Variants in ZNF705B observed in about 807,000 individuals in gnomAD.
ZNF705B encodes zinc finger protein 705B, also known as Putative zinc finger protein 705D-like protein LOC100132396.
A neutral mutation model predicts 10.5 loss-of-function variants in ZNF705B; 1 was observed. The observed-to-expected ratio is 0.10, with a 90% CI of 0.03 to 0.45. ZNF705B has a LOEUF of 0.45. Ranked by LOEUF, ZNF705B falls within the 20% of genes least tolerant of loss-of-function variation. The probability of loss-of-function intolerance (pLI) is 0.97; values close to 1 mark genes in which losing one functional copy is unlikely to be tolerated. For missense variants in ZNF705B, 14 were observed against 84.0 expected (o/e 0.17, Z 3.26); for synonymous variants, 4 against 25.4 (o/e 0.16, Z 2.53).
At chr8:7,930,121 T>A (rs1267401282) in intron 1 of ZNF705B, among the ~76,000 whole-genome samples, 166 bp from the exon 2 acceptor site, 2 of 113,234 alleles carry the variant, frequency 1.8e-5, no homozygotes, top group East Asian at 5.1e-4. Flanking sequence ...GGTAGTTTTT[T>A]AACCCAACTC....
At chr8:7,933,929 C>CTTTTTTTTTTTTTTTTTTTTTTTT (rs1162997944) in intron 2 of ZNF705B, among the ~76,000 whole-genome samples, 1 of 29,364 alleles carries the variant, frequency 3.4e-5, no homozygotes, top group African/African-American at 7.8e-5. Flanking sequence ...GTAATATAAA[C>CTTTTTTTTTTTTTTTTTTTTTTTT]TTTTTTTTTT....
chr8:7,927,748 T>A (rs1819737443), intron 1 of ZNF705B, among the ~76,000 whole-genome samples: 1 of 147,626 alleles, frequency 6.8e-6, no homozygotes, highest in Admixed American at 6.9e-5. Context: ...TTATCTGACT[T>A]TAGAGCTCTT....
At chr8:7,926,708 A>G (rs1206803117) in intron 1 of ZNF705B, among the ~76,000 whole-genome samples, 1 of 112,570 alleles carries the variant, frequency 8.9e-6, no homozygotes, top group Admixed American at 1.1e-4. Context: ...TTGGCCCACC[A>G]TGACCCACCT....
chr8:7,937,138 A>G (rs1356274081), intron 2 of ZNF705B, among the ~76,000 whole-genome samples: 1 of 115,000 alleles, frequency 8.7e-6, no homozygotes, highest in Non-Finnish European at 2.1e-5. Context: ...AGCTGATGGA[A>G]AGGAAGAAAC....
intron 2 of ZNF705B, among the ~76,000 whole-genome samples, chr8:7,937,551 G>A (rs1489514376): frequency 1.7e-5 from 2 of 117,896 alleles, no homozygotes; most frequent in African/African-American, 5.2e-5. Context: ...TGATTTTCTG[G>A]GGTTATATAT....
chr8:7,940,405 C>G (rs1820117560), intron 2 of ZNF705B, among the ~76,000 whole-genome samples: 1 of 138,468 alleles, frequency 7.2e-6, no homozygotes, highest in African/African-American at 2.6e-5. Context: ...CTCCCTAAGT[C>G]CCCTCCCCTT....
At chr8:7,931,832 G>A (rs1819858555) in intron 2 of ZNF705B, among the ~76,000 whole-genome samples, 2 of 127,728 alleles carry the variant, frequency 1.6e-5, no homozygotes, top group Non-Finnish European at 3.7e-5. Context: ...CAGTTCCCTG[G>A]AGTGTAGGAC....
chr8:7,927,885 C>T (rs1819741934), intron 1 of ZNF705B, among the ~76,000 whole-genome samples: 1 of 141,276 alleles, frequency 7.1e-6, no homozygotes, highest in African/African-American at 2.5e-5. Flanking sequence ...TCAACACATA[C>T]TGATTATTAA....
intron 1 of ZNF705B, among the ~76,000 whole-genome samples, chr8:7,929,683 G>A: frequency 8.5e-6 from 1 of 117,304 alleles, no homozygotes; most frequent in Non-Finnish European, 2.0e-5. Context: ...TAGCTGAATT[G>A]TTGTCGTTGT....
chr8:7,931,075 A>T (rs1819834329), intron 2 of ZNF705B, among the ~76,000 whole-genome samples: 2 of 118,312 alleles, frequency 1.7e-5, no homozygotes, highest in African/African-American at 5.1e-5. Flanking sequence ...CTGGTCTTGA[A>T]CTCCCGACCT....
chr8:7,927,867 T>C (rs1324489610), intron 1 of ZNF705B, among the ~76,000 whole-genome samples: 1 of 142,708 alleles, frequency 7.0e-6, no homozygotes, highest in African/African-American at 2.5e-5. Flanking sequence ...AATCTACCTT[T>C]TGGCTTCTCA....
At chr8:7,938,854 TC>T in intron 2 of ZNF705B, 1 of 593,750 alleles carries the variant, frequency 1.7e-6, no homozygotes, top group Non-Finnish European at 2.9e-6. Context: ...CAGTGGAATG[TC>T]TCTGTTTGGA....
chr8:7,928,749 CAAAA>C (rs548498381), intron 1 of ZNF705B, among the ~76,000 whole-genome samples: 2 of 52,326 alleles, frequency 3.8e-5, no homozygotes, highest in Non-Finnish European at 9.5e-5. Flanking sequence ...AACCAGGTAG[CAAAA>C]AAAAAAAAAA....
chr8:7,940,604 C>G (rs9773388), intron 2 of ZNF705B, among the ~76,000 whole-genome samples: 6 of 133,442 alleles, frequency 4.5e-5, no homozygotes, highest in African/African-American at 1.3e-4. Context: ...TTCCCCAGCA[C>G]CAGGGCCCCT....
intron 1 of ZNF705B, among the ~76,000 whole-genome samples, chr8:7,927,838 A>G (rs1480001799): frequency 2.8e-5 from 4 of 144,956 alleles, no homozygotes; most frequent in African/African-American, 9.8e-5. Context: ...GATTTCTCTG[A>G]TGTCTACATC....
At chr8:7,932,749 AG>A (rs1336083147) in intron 2 of ZNF705B, among the ~76,000 whole-genome samples, 1 of 117,054 alleles carries the variant, frequency 8.5e-6, no homozygotes, top group African/African-American at 2.6e-5. Context: ...TGGCCAAATC[AG>A]GCATAGTGAA....
rs1476855527 is a variant in ZNF705B at position 7,937,623 on chromosome 8, C to T, written c.-72+7187C>T. ...AAAAAAATCAAACCCATGTATTTAG[C>T]CAGGGTGACTATTTAACAAGTACTA... On this transcript the variant is annotated intron_variant, in intron 2 of 6. Transcript: ENST00000400120. 1.7e-5 allele frequency among the ~76,000 whole-genome samples: 2 copies of T among 120,998 alleles called. 1 individual carries two copies. Among genetic ancestry groups the T allele is most frequent in the Non-Finnish European group, 3.9e-5 (2 of 50,886 alleles). 79.4% of individuals were successfully genotyped at this position (120,998 alleles called of 152,430 possible). A position where few individuals can be genotyped will look rare whatever the true frequency, so the allele number is the denominator to read the frequency against.
At chr8:7,929,606 AACATT>A in intron 1 of ZNF705B, among the ~76,000 whole-genome samples, 5 of 123,716 alleles carry the variant, frequency 4.0e-5, no homozygotes, top group Non-Finnish European at 5.8e-5. Context: ...CCATAGATGG[AACATT>A]CTCAGGTTAC....
At chr8:7,940,356 A>T (rs1274830944) in intron 2 of ZNF705B, among the ~76,000 whole-genome samples, 1 of 146,938 alleles carries the variant, frequency 6.8e-6, no homozygotes, top group Non-Finnish European at 1.5e-5. Context: ...TACACCATGA[A>T]CACATCACTA....
Sources: gnomAD v4.1 joint callset for allele counts (sites outside exome capture counted in the v4.1 genomes callset) on GRCh38, gnomAD v4.1.1 for gene constraint, MANE v1.5 for transcripts, NCBI Gene and HGNC (gene_info 2026-07-23, HGNC 2026-07-21) for gene names.